ZAP70: variants seen among roughly 807,000 people sequenced by gnomAD.
ZAP70 encodes the protein tyrosine-protein kinase ZAP-70.
A neutral mutation model predicts 65.8 loss-of-function variants in ZAP70; 27 were observed. That is an observed-to-expected ratio of 0.41 (90% CI 0.30 to 0.57). The LOEUF is 0.57. Among genes scored for constraint, ZAP70 ranks in the 20% least tolerant of loss-of-function variants. The probability of loss-of-function intolerance (pLI) is 0.28; values close to 1 mark genes in which losing one functional copy is unlikely to be tolerated. For missense variants in ZAP70, 696 were observed against 870.5 expected (o/e 0.80, Z 2.52); for synonymous variants, 363 against 360.8 (o/e 1.01, Z -0.07).
Position 97,736,258 on chromosome 2 carries a change from C to A in ZAP70, c.1289+802C>A, listed in dbSNP as rs768645882. 2.0e-5 allele frequency among the ~76,000 whole-genome samples: 3 copies of A among 152,150 alleles called. No homozygotes were observed. Among genetic ancestry groups the A allele is most frequent in the Non-Finnish European group, 4.4e-5 (3 of 68,008 alleles). On this transcript the variant is annotated intron_variant, in intron 10 of 13. Coordinates refer to ENST00000264972, the MANE Select transcript of ZAP70 (RefSeq NM_001079.4). This position sits in a 1 kb window ranked among gnomAD's most constrained non-coding sequence, Gnocchi z 4.0. ...TGTAAAGGCTAAAATCCTTACTATC[C>A]GGCCCTTTACTGAAAAGTTTTGCAG... is the stretch of plus-strand genomic sequence containing the variant.
At chr2:97,718,832 A>T (rs1677051427) in intron 2 of ZAP70, among the ~76,000 whole-genome samples, 1 of 152,166 alleles carries the variant, frequency 6.6e-6, no homozygotes, top group Non-Finnish European at 1.5e-5. Flanking sequence ...TGGTCCTTGG[A>T]CAAGCCCTCA....
Position 97,725,265 on chromosome 2 carries a change from C to T in ZAP70, c.563+13C>T, listed in dbSNP as rs2289918. On this transcript the variant is annotated intron_variant, in intron 4 of 13. Coordinates refer to ENST00000264972, the MANE Select transcript of ZAP70 (RefSeq NM_001079.4). ...ACGGCAAGTTCCTGTATGTGGGGCC[C>T]GGGATTTGGGTGCGGTGAGGATTGG... is the stretch of plus-strand genomic sequence containing the variant. 1.2e-6 allele frequency: 2 copies of T among 1,610,832 alleles called. No homozygotes were observed. The highest frequency in any genetic ancestry group is 1.7e-6 in the Non-Finnish European group (2 of 1,177,418).
rs1355707044 is a variant in ZAP70, at chr2:97,739,511, C to G, written c.*13C>G. The G allele has an allele frequency of 3.1e-6, 5 of 1,610,912 alleles. No individual in the cohort carries two copies. The African/African-American group carries it at 6.7e-5, about 21-fold the overall frequency. ...TGCCTGTGCCTGAGCTCCCGCTGCCCAGGGGAGCCCTCCACGCCGGCTCTT... is the reference window on the plus strand; with the variant it reads ...TGCCTGTGCCTGAGCTCCCGCTGCCGAGGGGAGCCCTCCACGCCGGCTCTT... On this transcript the variant is annotated 3_prime_UTR_variant, in exon 14 of 14. Coordinates refer to ENST00000264972, the MANE Select transcript of ZAP70 (RefSeq NM_001079.4).
At chr2:97,753,126 G>A in the ZAP70 span, among the ~76,000 whole-genome samples, 1 of 152,194 alleles carries the variant, frequency 6.6e-6, no homozygotes, top group African/African-American at 2.4e-5. Context: ...GATGAGGCCT[G>A]AGTCATGCAA....
chr2:97,733,239 G>A, intron 6 of ZAP70, 27 bp downstream of exon 6: 1 of 1,609,810 alleles, frequency 6.2e-7, no homozygotes, highest in Non-Finnish European at 8.5e-7. Context: ...GGCGGGCGGT[G>A]GGCGGGGGCG....
chr2:97,738,104 A>C lies in ZAP70; in HGVS notation c.1733A>C (p.Tyr578Ser). The C allele has an allele frequency of 6.3e-7, 1 of 1,596,802 alleles. No homozygotes were observed. Among genetic ancestry groups the C allele is most frequent in the Non-Finnish European group, 8.5e-7 (1 of 1,171,336 alleles). ...GCACTCATGAGTGACTGCTGGATCT[A>C]CAAGTGAGTGCCAGTGGGGAGGGGA... ...LYALMSDCWI[Y>S]KWEDRPDFLT... Residue 578 changes from tyrosine (Y) to serine (S), a missense_variant, in exon 13 of 14, where the codon TAC becomes TCC. Tyr to Ser is a moderately radical substitution (Grantham distance 144). This residue lies in a region of ZAP70 where 78 missense variants were observed against 88.6 expected (regional missense o/e 0.88). Coordinates refer to ENST00000264972, the MANE Select transcript of ZAP70 (RefSeq NM_001079.4).
chr2:97,718,953 G>C (rs965183036), intron 2 of ZAP70, among the ~76,000 whole-genome samples: 2 of 152,218 alleles, frequency 1.3e-5, no homozygotes, highest in African/African-American at 4.8e-5. Flanking sequence ...GGGTGCACTA[G>C]GTGGAGGGTG....
Position 97,732,925 on chromosome 2 carries a change from C to T in ZAP70, c.606C>T (p.Leu202=), listed in dbSNP as rs199943332. 5.5e-5 allele frequency: 88 copies of T among 1,613,964 alleles called. No homozygotes were observed. Among genetic ancestry groups the T allele is most frequent in the Non-Finnish European group, 6.3e-5 (74 of 1,180,044 alleles). Residue 202 remains leucine (L), a synonymous_variant, in exon 5 of 14, where the codon CTC becomes CTT. Transcript: ENST00000264972. Reference sequence around the variant, plus strand: ...AGCAGGGCACATACGCCCTGTCCCTCATCTATGGGAAGACGGTGTACCACT... The same window carrying T: ...AGCAGGGCACATACGCCCTGTCCCTTATCTATGGGAAGACGGTGTACCACT... The part of the protein sequence containing the change: ...RKEQGTYALS[L]IYGKTVYHYL...
intron 7 of ZAP70, 75 bp from the exon 8 acceptor site, chr2:97,733,469 T>A (rs1677706197): frequency 1.2e-6 from 2 of 1,603,718 alleles, no homozygotes; most frequent in Non-Finnish European, 8.5e-7. Flanking sequence ...TCTCTGGGAG[T>A]CCTCAGTGGA....
intron 2 of ZAP70, among the ~76,000 whole-genome samples, chr2:97,718,147 G>A (rs1028234125): frequency 2.0e-5 from 3 of 152,112 alleles, no homozygotes; most frequent in Non-Finnish European, 2.9e-5. Flanking sequence ...AGTCCTGTCC[G>A]TCGGGATGGC....
intron 8 of ZAP70, chr2:97,734,239 A>T: frequency 1.3e-6 from 1 of 785,558 alleles, no homozygotes; most frequent in Non-Finnish European, 1.9e-6. Flanking sequence ...ATGCACACAC[A>T]TGCACACCCC....
intron 4 of ZAP70, among the ~76,000 whole-genome samples, chr2:97,730,462 TG>T (rs1385967568): frequency 1.3e-5 from 2 of 152,198 alleles, no homozygotes; most frequent in Non-Finnish European, 2.9e-5. Context: ...TTCTCCTCCA[TG>T]GGCCTTCTCT....
Position 97,739,689 on chromosome 2 carries a change from G to A in ZAP70, c.*191G>A. ...CTGTCCTCTCTGGCTGGGGAGCAGG[G>A]AGGTCCGGGAGGGTGCGGCTGTGCA... On this transcript the variant is annotated 3_prime_UTR_variant, in exon 14 of 14. Coordinates refer to ENST00000264972, the MANE Select transcript of ZAP70 (RefSeq NM_001079.4). 1 of 915,582 alleles carries A rather than the reference G, an allele frequency of 1.1e-6. No individual in the cohort carries two copies. The highest frequency in any genetic ancestry group is 1.7e-5 in the South Asian group (1 of 59,070). 56.7% of individuals were successfully genotyped at this position (915,582 alleles called of 1,614,324 possible).
At chr2:97,755,786 T>C in the ZAP70 span, among the ~76,000 whole-genome samples, 1 of 152,338 alleles carries the variant, frequency 6.6e-6, no homozygotes, top group African/African-American at 2.4e-5. Context: ...CCTCTCACCA[T>C]ACAACTTCCT....
chr2:97,748,814 A>C, the ZAP70 span, among the ~76,000 whole-genome samples: 1 of 152,074 alleles, frequency 6.6e-6, no homozygotes, highest in African/African-American at 2.4e-5. Flanking sequence ...TGTAAGGCCA[A>C]ATTCTAGTTT....
In ZAP70 at chr2:97,738,036, C is replaced by T. The variant is rs374474152; in HGVS notation, c.1665C>T (p.Gly555=). Residue 555 remains glycine, a synonymous_variant, in exon 13 of 14, where the codon GGC becomes GGT. Transcript: ENST00000264972. ...AGGTCATGGCCTTCATCGAGCAGGG[C>T]AAGCGGATGGAGTGCCCACCAGAGT... ...GPEVMAFIEQ[G]KRMECPPECP... The T allele has an allele frequency of 1.2e-6, 2 of 1,613,010 alleles. No homozygotes were observed. Among genetic ancestry groups the T allele is most frequent in the African/African-American group, 2.7e-5 (2 of 74,872 alleles).
In ZAP70 at chr2:97,733,335, T is replaced by C; in HGVS notation, c.829T>C (p.Leu277=). Residue 277 remains leucine (L), a synonymous_variant, in exon 7 of 14, where the codon TTG becomes CTG. Transcript: ENST00000264972. ...APTLPAHPST[L]THPQRRIDTL... is the part of the protein sequence containing the mutation. ...CACACTCCCAGCCCACCCATCCACG[T>C]TGACTCATGTGAGTTGGGGGCACCT... 1 of 1,595,568 alleles carries C rather than the reference T, an allele frequency of 6.3e-7. No homozygotes were observed. Among genetic ancestry groups the C allele is most frequent in the South Asian group, 1.1e-5 (1 of 87,910 alleles).
intron 2 of ZAP70, among the ~76,000 whole-genome samples, chr2:97,717,160 C>CA (rs1676953214): frequency 1.3e-5 from 2 of 151,824 alleles, no homozygotes; most frequent in Non-Finnish European, 2.9e-5. Context: ...GATTAAGGAG[C>CA]AGGGAACATG....
In ZAP70 at chr2:97,736,766, G is replaced by A. The variant is rs572097415; in HGVS notation, c.1290-707G>A. 2.3e-4 allele frequency among the ~76,000 whole-genome samples: 35 copies of A among 152,278 alleles called. No homozygotes were observed. Among genetic ancestry groups the A allele is most frequent in the Admixed American group, 1.9e-3 (29 of 15,304 alleles). ...AGGCCCTGAGGTGGTCCCGTGCCTC[G>A]TGTGGTGCGGGCAGGGAGGGGATGA... On this transcript the variant is annotated intron_variant, in intron 10 of 13. Transcript: ENST00000264972. The surrounding 1 kb of genome is among the most constrained non-coding windows in gnomAD (Gnocchi z 4.0).
Sources: allele counts gnomAD v4.1 joint callset (sites outside exome capture counted in the v4.1 genomes callset), GRCh38; gene constraint gnomAD v4.1.1; regional missense constraint gnomAD v4.1.1; non-coding constraint Gnocchi (gnomAD v3.1); transcripts MANE v1.5; gene names NCBI Gene and HGNC (gene_info 2026-07-23, HGNC 2026-07-21).